VPS13A: variants seen among roughly 807,000 people sequenced by gnomAD.
The protein encoded by VPS13A is intermembrane lipid transfer protein VPS13A.
In VPS13A, 264 loss-of-function variants were observed where a neutral mutation model predicts 390.9. The ratio of observed to expected loss-of-function variants is 0.68; its 90% CI spans 0.61 to 0.75. The LOEUF (loss-of-function observed/expected upper bound fraction) is 0.75, where lower values mean the gene tolerates loss of function less well. Among genes scored for constraint, VPS13A ranks in the 30% least tolerant of loss-of-function variants. The probability of loss-of-function intolerance (pLI) is 0.00; values close to 1 mark genes in which losing one functional copy is unlikely to be tolerated. For missense variants in VPS13A, 3,409 were observed against 3,733.9 expected (o/e 0.91, Z 2.27); for synonymous variants, 1,231 against 1,227.1 (o/e 1.00, Z -0.07).
intron 33 of VPS13A, among the ~76,000 whole-genome samples, chr9:77,300,494 G>A (rs1828279505): frequency 6.6e-6 from 1 of 152,204 alleles, no homozygotes. Flanking sequence ...CACTTTGGGA[G>A]GTTGAGGATG....
chr9:77,190,811 G>T (rs1323970622), intron 1 of VPS13A, among the ~76,000 whole-genome samples: 2 of 152,164 alleles, frequency 1.3e-5, no homozygotes, highest in African/African-American at 4.8e-5. Context: ...GAGGTTGTAT[G>T]TTTCCAGGAA....
At chr9:77,368,366 G>T (rs1450671822) in intron 62 of VPS13A, among the ~76,000 whole-genome samples, 1 of 151,930 alleles carries the variant, frequency 6.6e-6, no homozygotes, top group Non-Finnish European at 1.5e-5. Context: ...TGGATCAGCA[G>T]GACTGGAAAT....
In VPS13A at chr9:77,368,111, A is replaced by C. The variant is rs781537424; in HGVS notation, c.8528A>C (p.Glu2843Ala). The stretch of plus-strand genomic sequence containing the variant: ...CATACAACATCCGATCTACAGTCTG[A>C]AGTCATAAGACACTATTCAAAACAG... ...QFHTTSDLQSEVIRHYSKQAI... is the reference protein window; with the variant it reads ...QFHTTSDLQSAVIRHYSKQAI... The change falls in exon 62 of 72, where the codon GAA becomes GCA. Residue 2843 changes from glutamate (E) to alanine (A), a missense_variant. Glu to Ala is a moderately radical substitution (Grantham distance 107). Transcript: ENST00000360280. 6.2e-7 allele frequency: 1 copy of C among 1,612,422 alleles called. No homozygotes were observed. Among genetic ancestry groups the C allele is most frequent in the Non-Finnish European group, 8.5e-7 (1 of 1,179,466 alleles).
intron 23 of VPS13A, among the ~76,000 whole-genome samples, chr9:77,268,763 A>G (rs1826176673): frequency 6.6e-6 from 1 of 152,002 alleles, no homozygotes; most frequent in African/African-American, 2.4e-5. Flanking sequence ...AACATGGTGG[A>G]ACCCCGTCTG....
Position 77,201,380 on chromosome 9 carries a change from C to A in VPS13A, c.160C>A (p.Pro54Thr). 6.2e-7 allele frequency: 1 copy of A among 1,609,536 alleles called. No individual in the cohort carries two copies. The highest frequency in any genetic ancestry group is 8.5e-7 in the Non-Finnish European group (1 of 1,176,234). Residue 54 changes from proline to threonine, a missense_variant, in exon 3 of 72, where the codon CCA (proline) becomes ACA (threonine). Pro to Thr is a conservative substitution (Grantham distance 38). Coordinates refer to ENST00000360280, the MANE Select transcript of VPS13A (RefSeq NM_033305.3). ...TTTTCTGTAGAGTCAACTGGATGTA[C>A]CATTTAAAGTTAAAGTTGGTCACAT... ...KENALSQLDV[P>T]FKVKVGHIGN... is the part of the protein sequence containing the mutation.
At chr9:77,198,505 T>C (rs567003909) in intron 1 of VPS13A, among the ~76,000 whole-genome samples, 4 of 152,308 alleles carry the variant, frequency 2.6e-5, no homozygotes, top group Admixed American at 2.6e-4. Flanking sequence ...TTTTGGAGTT[T>C]TGGATTAGTG....
At chr9:77,203,351 C>T (rs948238253) in intron 3 of VPS13A, among the ~76,000 whole-genome samples, 9 of 152,030 alleles carry the variant, frequency 5.9e-5, no homozygotes, top group East Asian at 5.8e-4. Flanking sequence ...TACAGTGGTG[C>T]GATCTTGGCT....
At position 77,221,288 on chromosome 9, in the gene VPS13A, T is replaced by G. The variant is rs1312934085; in HGVS notation, c.1093T>G (p.Tyr365Asp). The G allele has an allele frequency of 6.2e-7, 1 of 1,613,464 alleles. No individual in the cohort carries two copies. The highest frequency in any genetic ancestry group is 1.1e-5 in the South Asian group (1 of 91,058). Residue 365 changes from tyrosine to aspartate, a missense_variant, in exon 13 of 72, where the codon TAT (tyrosine) becomes GAT (aspartate). Transcript: ENST00000360280. ...IRKHRQKVKQYKELYKKKLTS... is the reference protein window; with the variant it reads ...IRKHRQKVKQDKELYKKKLTS... ...AAAACATAGGCAAAAAGTGAAGCAA[T>G]ATAAAGAACTGTATAAAAAAAAGTT...
At chr9:77,264,220 A>G (rs1825908245) in intron 23 of VPS13A, among the ~76,000 whole-genome samples, 3 of 152,194 alleles carry the variant, frequency 2.0e-5, no homozygotes, top group South Asian at 4.1e-4. Context: ...GTTTGAAGTC[A>G]GGTAGCGTGA....
intron 57 of VPS13A, 104 bp downstream of exon 57, chr9:77,358,542 T>C (rs1441857332): frequency 5.0e-6 from 5 of 997,254 alleles, no homozygotes; most frequent in African/African-American, 1.6e-5. Flanking sequence ...TTAATTTTTA[T>C]AGGATAATTG....
At chr9:77,402,981 T>C (rs1469878585) in intron 68 of VPS13A, among the ~76,000 whole-genome samples, 3 of 152,224 alleles carry the variant, frequency 2.0e-5, no homozygotes, top group Non-Finnish European at 2.9e-5. Flanking sequence ...ATTTAAACTT[T>C]GTAAGATAAC....
chr9:77,210,699 T>G (rs1317085027), intron 7 of VPS13A, 24 bp downstream of exon 7: 1 of 1,606,698 alleles, frequency 6.2e-7, no homozygotes, highest in Non-Finnish European at 8.5e-7. Context: ...AAAAGAATCT[T>G]AACCATATTT....
At chr9:77,379,347 T>A (rs1833304263) in intron 67 of VPS13A, among the ~76,000 whole-genome samples, 1 of 152,048 alleles carries the variant, frequency 6.6e-6, no homozygotes, top group Admixed American at 6.6e-5. Flanking sequence ...TTCAAGCTAT[T>A]CTCCTGCCTC....
intron 68 of VPS13A, among the ~76,000 whole-genome samples, chr9:77,401,670 T>C (rs935478875): frequency 6.6e-6 from 1 of 152,192 alleles, no homozygotes; most frequent in African/African-American, 2.4e-5. Flanking sequence ...TGATGCTTCT[T>C]CCTCTTAATA....
At chr9:77,231,929 T>A (rs1227272757) in intron 17 of VPS13A, among the ~76,000 whole-genome samples, 1 of 152,194 alleles carries the variant, frequency 6.6e-6, no homozygotes. Context: ...TTTTTGTAAA[T>A]GGCATAAGGA....
chr9:77,208,190 C>T (rs1037466213), intron 5 of VPS13A, among the ~76,000 whole-genome samples: 12 of 151,978 alleles, frequency 7.9e-5, no homozygotes, highest in Non-Finnish European at 1.6e-4. Context: ...AAATATGATC[C>T]TCTGTCTTTA....
At chr9:77,351,900 T>G (rs929225171) in intron 53 of VPS13A, among the ~76,000 whole-genome samples, 4 of 152,024 alleles carry the variant, frequency 2.6e-5, no homozygotes, top group Admixed American at 1.3e-4. Context: ...CAGTATTTGA[T>G]TTTCAGCCTT....
intron 26 of VPS13A, among the ~76,000 whole-genome samples, chr9:77,277,274 AT>A (rs1826739265): frequency 6.6e-6 from 1 of 152,132 alleles, no homozygotes; most frequent in Non-Finnish European, 1.5e-5. Flanking sequence ...TAAATAGACT[AT>A]TTTTTAGAGC....
rs1055609567 is a variant in VPS13A at position 77,357,752 on chromosome 9, C to A, written c.7867C>A (p.Arg2623=). The part of the protein sequence containing the change: ...KILQPHVIAL[R]RNYLPALKVE... ...TCTGCAGCCGCATGTAATAGCTCTA[C>A]GAAGAAATTATCTTCCAGCATTAAA... Residue 2623 remains arginine, a synonymous_variant, in exon 56 of 72, where the codon CGA becomes AGA. Coordinates refer to ENST00000360280, the MANE Select transcript of VPS13A (RefSeq NM_033305.3). 2 of 1,613,790 alleles carry A rather than the reference C, an allele frequency of 1.2e-6. No individual in the cohort carries two copies. Among genetic ancestry groups the A allele is most frequent in the Non-Finnish European group, 1.7e-6 (2 of 1,179,938 alleles).
Sources: gnomAD v4.1 joint callset for allele counts (sites outside exome capture counted in the v4.1 genomes callset) on GRCh38, gnomAD v4.1.1 for gene constraint, MANE v1.5 for transcripts, NCBI Gene and HGNC (gene_info 2026-07-23, HGNC 2026-07-21) for gene names.